Variants in NELL1 observed in about 807,000 individuals in gnomAD.
NELL1 encodes the protein neural EGFL like 1.
A neutral mutation model predicts 107.4 loss-of-function variants in NELL1; 76 were observed. The ratio of observed to expected loss-of-function variants is 0.71; its 90% CI spans 0.59 to 0.86. The LOEUF (loss-of-function observed/expected upper bound fraction) is 0.86, where lower values mean the gene tolerates loss of function less well. NELL1 is among the 40% of genes least tolerant of loss of function. The pLI is 0.00. For missense variants in NELL1, 1,024 were observed against 1,005.5 expected, an observed-to-expected ratio of 1.02 and a Z score of -0.25; for synonymous variants, 353 against 341.2, an observed-to-expected ratio of 1.03 and a Z score of -0.38.
intron 12 of NELL1, among the ~76,000 whole-genome samples, chr11:20,993,219 T>G (rs1914243): frequency 0.19 from 28,813 of 152,110 alleles, 2,932 homozygotes; most frequent in East Asian, 0.34. Context: ...AGTTTCATTT[T>G]ATATCATCTA....
intron 14 of NELL1, among the ~76,000 whole-genome samples, chr11:21,305,471 AATTGCC>A (rs1849585566): frequency 6.6e-6 from 1 of 151,994 alleles, no homozygotes; most frequent in African/African-American, 2.4e-5. Flanking sequence ...AATTAATCAT[AATTGCC>A]ATTCTAGCAA....
chr11:21,099,652 CT>C (rs765595983), intron 12 of NELL1, among the ~76,000 whole-genome samples: 3 of 152,202 alleles, frequency 2.0e-5, no homozygotes, highest in Non-Finnish European at 2.9e-5. Context: ...CACCAGCTCA[CT>C]GGATCTTCAC....
intron 15 of NELL1, among the ~76,000 whole-genome samples, chr11:21,493,563 T>C (rs570937500): frequency 3.3e-4 from 50 of 151,818 alleles, no homozygotes; most frequent in Non-Finnish European, 4.6e-4. Flanking sequence ...AGATAGAGTA[T>C]AGAATGATAG....
At chr11:21,373,901 G>A (rs899970724) in intron 15 of NELL1, among the ~76,000 whole-genome samples, 1 of 152,118 alleles carries the variant, frequency 6.6e-6, no homozygotes, top group African/African-American at 2.4e-5. Context: ...GAATCAGTAA[G>A]AGGAGTAGTT....
At position 21,331,456 on chromosome 11, in the gene NELL1, T is replaced by C. The variant is rs1850271221; in HGVS notation, c.1550-39397T>C. ...GTAAAGCAGTGTAAAGCCTCTGATG[T>C]TGTTCCTCAGAGGATGCAGGCTTTG... On this transcript the variant is annotated intron_variant, in intron 14 of 19. Coordinates refer to ENST00000357134, the MANE Select transcript of NELL1 (RefSeq NM_006157.5). 2.6e-5 allele frequency among the ~76,000 whole-genome samples: 4 copies of C among 152,062 alleles called. No individual in the cohort carries two copies. In the South Asian group the frequency reaches 8.3e-4, roughly 32 times the overall value.
chr11:21,385,242 G>A (rs1851713811), intron 15 of NELL1, among the ~76,000 whole-genome samples: 2 of 151,822 alleles, frequency 1.3e-5, no homozygotes, highest in South Asian at 4.1e-4. Context: ...TTCTGTCTTT[G>A]CCATTATATT....
At chr11:21,238,781 T>C (rs1281011309) in intron 14 of NELL1, among the ~76,000 whole-genome samples, 1 of 152,088 alleles carries the variant, frequency 6.6e-6, no homozygotes, top group Non-Finnish European at 1.5e-5. Context: ...AATTCTATTA[T>C]AACCATTAGG....
At chr11:21,302,395 T>G (rs569072635) in intron 14 of NELL1, among the ~76,000 whole-genome samples, 11 of 152,160 alleles carry the variant, frequency 7.2e-5, no homozygotes, top group African/African-American at 2.6e-4. Flanking sequence ...ACAAGGAAGC[T>G]TCCAGAAAAC....
chr11:20,677,858 C>A, intron 1 of NELL1, 74 bp from the exon 2 acceptor site: 1 of 1,572,716 alleles, frequency 6.4e-7, no homozygotes, highest in Non-Finnish European at 8.7e-7. Context: ...CCCTGCCACT[C>A]CCCGACTCTG....
rs1400381 is a variant in NELL1, at chr11:21,135,134, A to G, written c.1426+21420A>G. On this transcript the variant is annotated intron_variant, in intron 13 of 19. Coordinates refer to ENST00000357134, the MANE Select transcript of NELL1 (RefSeq NM_006157.5). Reference sequence around the variant, plus strand: ...GGAAAAGCACGCTATCACCTTTATCATTGTGATATTTACTGCTTTCTCTTA... The same window carrying G: ...GGAAAAGCACGCTATCACCTTTATCGTTGTGATATTTACTGCTTTCTCTTA... 4.9e-3 allele frequency among the ~76,000 whole-genome samples: 751 copies of G among 152,236 alleles called. 6 individuals carry two copies. Among genetic ancestry groups the G allele is most frequent in the African/African-American group, 0.016 (665 of 41,548 alleles).
chr11:21,314,281 C>T (rs1019009441), intron 14 of NELL1, among the ~76,000 whole-genome samples: 1 of 152,076 alleles, frequency 6.6e-6, no homozygotes, highest in Non-Finnish European at 1.5e-5. Context: ...AATACTGTTA[C>T]ATTGGGGATT....
At chr11:20,859,989 A>C (rs1418540013) in intron 4 of NELL1, among the ~76,000 whole-genome samples, 3 of 152,204 alleles carry the variant, frequency 2.0e-5, no homozygotes, top group African/African-American at 7.2e-5. Context: ...CACAATCCTT[A>C]ATATAGCTTA....
At chr11:20,904,747 GTC>G (rs1327201023) in intron 5 of NELL1, among the ~76,000 whole-genome samples, 1 of 152,032 alleles carries the variant, frequency 6.6e-6, no homozygotes, top group Non-Finnish European at 1.5e-5. Context: ...GGTTGGAGGA[GTC>G]TCTCTCTCTT....
At chr11:20,937,171 C>T (rs529008242) in intron 9 of NELL1, among the ~76,000 whole-genome samples, 1 of 152,322 alleles carries the variant, frequency 6.6e-6, no homozygotes, top group East Asian at 1.9e-4. Flanking sequence ...TTATGTTTCT[C>T]TTTGAAATTT....
intron 2 of NELL1, among the ~76,000 whole-genome samples, chr11:20,686,617 T>G (rs1159597565): frequency 6.6e-6 from 1 of 152,194 alleles, no homozygotes; most frequent in African/African-American, 2.4e-5. Flanking sequence ...TTGTTGTAGC[T>G]TGGCATTTGC....
intron 12 of NELL1, among the ~76,000 whole-genome samples, chr11:21,095,935 AG>A (rs1854631259): frequency 6.6e-6 from 1 of 152,210 alleles, no homozygotes; most frequent in Non-Finnish European, 1.5e-5. Context: ...GGATGGCAGC[AG>A]GCAAAGAGAG....
chr11:20,881,930 G>A (rs12417006), intron 4 of NELL1, among the ~76,000 whole-genome samples: 6 of 152,260 alleles, frequency 3.9e-5, no homozygotes, highest in South Asian at 2.1e-4. Flanking sequence ...AGGAAACCTC[G>A]TTAACCAGAG....
chr11:21,283,833 A>G lies in NELL1; in HGVS notation c.1549+54379A>G, dbSNP rs560096995. ...AGTGGCTCTGTGAAGGCAATTTTCC[A>G]ACCTACCATTCTTGGCTACTCCTGG... is the stretch of plus-strand genomic sequence containing the variant. On this transcript the variant is annotated intron_variant, in intron 14 of 19. Coordinates refer to ENST00000357134, the MANE Select transcript of NELL1 (RefSeq NM_006157.5). The G allele has an allele frequency of 2.5e-5, 5 of 200,952 alleles. No individual in the cohort carries two copies. In the South Asian group the frequency reaches 3.8e-4, roughly 15 times the overall value. 12.4% of individuals were successfully genotyped at this position (200,952 alleles called of 1,614,324 possible). A position where few individuals can be genotyped will look rare whatever the true frequency, so the allele number is the denominator to read the frequency against.
intron 16 of NELL1, among the ~76,000 whole-genome samples, chr11:21,540,030 ATTTG>A (rs886895189): frequency 6.6e-6 from 1 of 151,962 alleles, no homozygotes; most frequent in African/African-American, 2.4e-5. Flanking sequence ...ATTTTCTAAA[ATTTG>A]TTTAAGTGTA....
Sources: gnomAD v4.1 joint callset for allele counts (sites outside exome capture counted in the v4.1 genomes callset) on GRCh38, gnomAD v4.1.1 for gene constraint, MANE v1.5 for transcripts, NCBI Gene and HGNC (gene_info 2026-07-23, HGNC 2026-07-21) for gene names.